Variants in SSTR4 observed in about 807,000 individuals in gnomAD.
The protein encoded by SSTR4 is somatostatin receptor 4.
For synonymous variants in SSTR4, 272 were observed against 246.3 expected, an observed-to-expected ratio of 1.10 and a Z score of -0.98; for missense variants, 649 against 540.6, an observed-to-expected ratio of 1.20 and a Z score of -1.99.
chr20:23,036,637 C>A lies in SSTR4; in HGVS notation c.1154C>A (p.Thr385Asn). 6.5e-7 allele frequency: 1 copy of A among 1,546,430 alleles called. No homozygotes were observed. The change falls in exon 1 of 1, where the codon ACC becomes AAC. Residue 385 changes from threonine to asparagine, a missense_variant. Thr to Asn is a moderately conservative substitution (Grantham distance 65). Transcript: ENST00000255008. The stretch of plus-strand genomic sequence containing the variant: ...CGCAAGCGCATCCCCCTCACCAGGA[C>A]CACCACCTTCTGAGGAGCCCTTCCC... ...PGRKRIPLTRTTTF is the reference protein window; with the variant it reads ...PGRKRIPLTRNTTF
Position 23,036,201 on chromosome 20 carries a change from G to C in SSTR4, c.718G>C (p.Ala240Pro). ...CYLLIVGKMR[A>P]VALRAGWQQR... ...CCTGCTCATCGTGGGCAAGATGCGC[G>C]CCGTGGCCCTGCGCGCTGGCTGGCA... The change falls in exon 1 of 1, where the codon GCC (alanine) becomes CCC (proline). Residue 240 changes from alanine to proline, a missense_variant. By Grantham distance (27) the Ala-to-Pro change is conservative. Transcript: ENST00000255008. The C allele has an allele frequency of 2.5e-6, 4 of 1,612,906 alleles. No homozygotes were observed. The highest frequency in any genetic ancestry group is 1.7e-4 in the Middle Eastern group (1 of 6,060).
At position 23,036,674 on chromosome 20, in the gene SSTR4, G is replaced by T. The variant is rs765591264; in HGVS notation, c.*24G>T. ...GAGGAGCCCTTCCCCTACCCACCCT[G>T]CGTGGCCACCTCCCAAGGGGTGGGC... On this transcript the variant is annotated 3_prime_UTR_variant, in exon 1 of 1. Coordinates refer to ENST00000255008, the MANE Select transcript of SSTR4 (RefSeq NM_001052.4). 6 of 1,524,052 alleles carry T rather than the reference G, an allele frequency of 3.9e-6. 1 individual carries two copies. The highest frequency in any genetic ancestry group is 4.4e-6 in the Non-Finnish European group (5 of 1,137,928). 94.4% of individuals were successfully genotyped at this position (1,524,052 alleles called of 1,614,324 possible).
Position 23,035,811 on chromosome 20 carries a change from C to A in SSTR4, c.328C>A (p.Arg110Ser), listed in dbSNP as rs764943984. The stretch of plus-strand genomic sequence containing the variant: ...CTTCGTGGCCTCGTCGGCCGCCCTG[C>A]GCCACTGGCCCTTCGGCTCCGTGCT... ...VPFVASSAAL[R>S]HWPFGSVLCR... is the part of the protein sequence containing the mutation. The change falls in exon 1 of 1, where the codon CGC becomes AGC. Residue 110 changes from arginine to serine, a missense_variant. By Grantham distance (110) the Arg-to-Ser change is moderately radical. Transcript: ENST00000255008. The A allele has an allele frequency of 4.4e-6, 7 of 1,590,926 alleles. No individual in the cohort carries two copies. Among genetic ancestry groups the A allele is most frequent in the South Asian group, 1.1e-5 (1 of 87,740 alleles).
Position 23,038,221 on chromosome 20 carries a change from A to C in SSTR4, c.*1571A>C, listed in dbSNP as rs900775076. 2 of 152,218 alleles carry C rather than the reference A, an allele frequency of 1.3e-5. No homozygotes were observed. The highest frequency in any genetic ancestry group is 6.5e-5 in the Admixed American group (1 of 15,292). The allele number at this position is 152,218 out of a possible 1,614,324, so 9.4% of individuals were successfully genotyped here. A position where few individuals can be genotyped will look rare whatever the true frequency, so the allele number is the denominator to read the frequency against. ...AAACTGCATTATTTCTTTGTTCCTC[A>C]GTGTCTGACAATGCCTGCCAGGATG... is the stretch of plus-strand genomic sequence containing the variant. On this transcript the variant is annotated 3_prime_UTR_variant, in exon 1 of 1. Coordinates refer to ENST00000255008, the MANE Select transcript of SSTR4 (RefSeq NM_001052.4).
Position 23,036,698 on chromosome 20 carries a change from G to C in SSTR4, c.*48G>C, listed in dbSNP as rs1192079553. 1 of 1,507,572 alleles carries C rather than the reference G, an allele frequency of 6.6e-7. No homozygotes were observed. Among genetic ancestry groups the C allele is most frequent in the East Asian group, 2.3e-5 (1 of 44,018 alleles). The allele number at this position is 1,507,572 out of a possible 1,614,324, so 93.4% of individuals were successfully genotyped here. ...TGCGTGGCCACCTCCCAAGGGGTGG[G>C]CACCATTCCTACAGCCCCGAAGACT... On this transcript the variant is annotated 3_prime_UTR_variant, in exon 1 of 1. Transcript: ENST00000255008.
At position 23,036,612 on chromosome 20, in the gene SSTR4, C is replaced by A; in HGVS notation, c.1129C>A (p.Arg377Ser). 6.4e-7 allele frequency: 1 copy of A among 1,571,954 alleles called. No individual in the cohort carries two copies. Among genetic ancestry groups the A allele is most frequent in the East Asian group, 2.2e-5 (1 of 44,580 alleles). ...GGAAGCCCTGCAACCAGAACCCGGCCGCAAGCGCATCCCCCTCACCAGGAC... is the reference window on the plus strand; with the variant it reads ...GGAAGCCCTGCAACCAGAACCCGGCAGCAAGCGCATCCCCCTCACCAGGAC... ...QQEALQPEPG[R>S]KRIPLTRTTT... The change falls in exon 1 of 1, where the codon CGC (arginine) becomes AGC (serine). Residue 377 changes from arginine (R) to serine (S), a missense_variant. Arg to Ser is a moderately radical substitution (Grantham distance 110, BLOSUM62 -1). Transcript: ENST00000255008.
rs2122655792 is a variant in SSTR4, at chr20:23,037,524, A to T, written c.*874A>T. Among the ~76,000 whole-genome samples the T allele has an allele frequency of 6.6e-6, 1 of 152,226 alleles. No individual in the cohort carries two copies. Among genetic ancestry groups the T allele is most frequent in the East Asian group, 1.9e-4 (1 of 5,152 alleles). On this transcript the variant is annotated 3_prime_UTR_variant, in exon 1 of 1. Coordinates refer to ENST00000255008, the MANE Select transcript of SSTR4 (RefSeq NM_001052.4). Reference sequence around the variant, plus strand: ...GGATGGGAACCAGCCCAGGTTTTGGATAGAGGAAGCAGCTTCATCACCACC... The same window carrying T: ...GGATGGGAACCAGCCCAGGTTTTGGTTAGAGGAAGCAGCTTCATCACCACC...
Position 23,035,487 on chromosome 20 carries a change from A to T in SSTR4, c.4A>T (p.Ser2Cys), listed in dbSNP as rs1209873943. The change falls in exon 1 of 1, where the codon AGC becomes TGC. Residue 2 changes from serine to cysteine, a missense_variant. By Grantham distance (112) the Ser-to-Cys change is moderately radical. Transcript: ENST00000255008. Reference sequence around the variant, plus strand: ...CCCTGCGCCGGCACCCCTGGTCATGAGCGCCCCCTCGACGCTGCCCCCCGG... The same window carrying T: ...CCCTGCGCCGGCACCCCTGGTCATGTGCGCCCCCTCGACGCTGCCCCCCGG... M[S>C]APSTLPPGGE... 6.6e-7 allele frequency: 1 copy of T among 1,523,310 alleles called. No individual in the cohort carries two copies. The highest frequency in any genetic ancestry group is 2.1e-5 in the Admixed American group (1 of 48,108). 94.4% of individuals were successfully genotyped at this position (1,523,310 alleles called of 1,614,324 possible).
rs911917341 is a variant in SSTR4 at position 23,038,269 on chromosome 20, C to A, written c.*1619C>A. 6.6e-6 allele frequency: 1 copy of A among 152,238 alleles called. No individual in the cohort carries two copies. The allele number at this position is 152,238 out of a possible 1,614,324, so 9.4% of individuals were successfully genotyped here. The stretch of plus-strand genomic sequence containing the variant: ...ATGGGCACTGATGAATATGGTTGAA[C>A]GGAACTCCAAGGACCACCCAGGTTG... On this transcript the variant is annotated 3_prime_UTR_variant, in exon 1 of 1. Coordinates refer to ENST00000255008, the MANE Select transcript of SSTR4 (RefSeq NM_001052.4).
Position 23,039,128 on chromosome 20 carries a change from T to C in SSTR4, c.*2478T>C, listed in dbSNP as rs1984405851. ...CAGGATCCTGAAAGCCACCAACATA[T>C]GTCACCTGCCTGGGAGGCTTGCTTC... On this transcript the variant is annotated 3_prime_UTR_variant, in exon 1 of 1. Coordinates refer to ENST00000255008, the MANE Select transcript of SSTR4 (RefSeq NM_001052.4). The C allele has an allele frequency of 6.6e-6, 1 of 152,204 alleles. No homozygotes were observed. Among genetic ancestry groups the C allele is most frequent in the Non-Finnish European group, 1.5e-5 (1 of 68,048 alleles). The allele number at this position is 152,204 out of a possible 1,614,324, so 9.4% of individuals were successfully genotyped here. A position where few individuals can be genotyped will look rare whatever the true frequency, so the allele number is the denominator to read the frequency against.
At position 23,035,489 on chromosome 20, in the gene SSTR4, C is replaced by G; in HGVS notation, c.6C>G (p.Ser2Arg). 1 of 1,528,734 alleles carries G rather than the reference C, an allele frequency of 6.5e-7. No homozygotes were observed. Among genetic ancestry groups the G allele is most frequent in the Non-Finnish European group, 8.7e-7 (1 of 1,146,302 alleles). The allele number at this position is 1,528,734 out of a possible 1,614,324, so 94.7% of individuals were successfully genotyped here. M[S>R]APSTLPPGGE... ...CTGCGCCGGCACCCCTGGTCATGAG[C>G]GCCCCCTCGACGCTGCCCCCCGGGG... The change falls in exon 1 of 1, where the codon AGC (serine) becomes AGG (arginine). Residue 2 changes from serine to arginine, a missense_variant. By Grantham distance (110) the Ser-to-Arg change is moderately radical. Coordinates refer to ENST00000255008, the MANE Select transcript of SSTR4 (RefSeq NM_001052.4).
Position 23,037,326 on chromosome 20 carries a change from G to A in SSTR4, c.*676G>A, listed in dbSNP as rs1168919790. On this transcript the variant is annotated 3_prime_UTR_variant, in exon 1 of 1. Transcript: ENST00000255008. ...GGGTTTATTGCAAGGCATAAAACCA[G>A]GTCAGTAATAACAAAGCAGATGATA... 6.6e-6 allele frequency: 1 copy of A among 152,216 alleles called. No individual in the cohort carries two copies. Among genetic ancestry groups the A allele is most frequent in the Non-Finnish European group, 1.5e-5 (1 of 68,066 alleles). The allele number at this position is 152,216 out of a possible 1,614,324, so 9.4% of individuals were successfully genotyped here.
At position 23,035,663 on chromosome 20, in the gene SSTR4, G is replaced by A; in HGVS notation, c.180G>A (p.Val60=). 1 of 1,540,204 alleles carries A rather than the reference G, an allele frequency of 6.5e-7. No individual in the cohort carries two copies. The highest frequency in any genetic ancestry group is 8.7e-7 in the Non-Finnish European group (1 of 1,144,398). ...GCATCTACGCGCTGGTGTGCCTGGT[G>A]GGGCTGGTGGGCAACGCCCTGGTCA... The part of the protein sequence containing the change: ...IQCIYALVCL[V]GLVGNALVIF... Residue 60 remains valine, a synonymous_variant, in exon 1 of 1, where the codon GTG becomes GTA. Transcript: ENST00000255008.
At position 23,039,226 on chromosome 20, in the gene SSTR4, C is replaced by A. The variant is rs751559927; in HGVS notation, c.*2576C>A. 6.6e-6 allele frequency: 1 copy of A among 152,238 alleles called. No individual in the cohort carries two copies. Among genetic ancestry groups the A allele is most frequent in the Non-Finnish European group, 1.5e-5 (1 of 68,050 alleles). The allele number at this position is 152,238 out of a possible 1,614,324, so 9.4% of individuals were successfully genotyped here. A position where few individuals can be genotyped will look rare whatever the true frequency, so the allele number is the denominator to read the frequency against. The stretch of plus-strand genomic sequence containing the variant: ...ACATCATGGTGAATAAAAACATTTT[C>A]TGCCACAGGTAGAAACAGCCTTTGC... On this transcript the variant is annotated 3_prime_UTR_variant, in exon 1 of 1. Transcript: ENST00000255008.
At position 23,037,525 on chromosome 20, in the gene SSTR4, T is replaced by G. The variant is rs1217734588; in HGVS notation, c.*875T>G. ...GATGGGAACCAGCCCAGGTTTTGGA[T>G]AGAGGAAGCAGCTTCATCACCACCC... is the stretch of plus-strand genomic sequence containing the variant. On this transcript the variant is annotated 3_prime_UTR_variant, in exon 1 of 1. Transcript: ENST00000255008. Among the ~76,000 whole-genome samples the G allele has an allele frequency of 1.3e-5, 2 of 152,048 alleles. No homozygotes were observed. Among genetic ancestry groups the G allele is most frequent in the Non-Finnish European group, 2.9e-5 (2 of 68,004 alleles).
At position 23,036,652 on chromosome 20, in the gene SSTR4, G is replaced by T. The variant is rs1984336029; in HGVS notation, c.*2G>T. ...CTCACCAGGACCACCACCTTCTGAG[G>T]AGCCCTTCCCCTACCCACCCTGCGT... On this transcript the variant is annotated 3_prime_UTR_variant, in exon 1 of 1. Coordinates refer to ENST00000255008, the MANE Select transcript of SSTR4 (RefSeq NM_001052.4). The T allele has an allele frequency of 1.3e-6, 2 of 1,538,146 alleles. No homozygotes were observed. The highest frequency in any genetic ancestry group is 8.7e-7 in the Non-Finnish European group (1 of 1,143,830).
In SSTR4 at chr20:23,036,427, C is replaced by G; in HGVS notation, c.944C>G (p.Ser315Cys). Residue 315 changes from serine to cysteine, a missense_variant, in exon 1 of 1, where the codon TCC becomes TGC. Transcript: ENST00000255008. ...AACCCCATTCTCTATGGCTTCCTCTCCGACAACTTCCGCCGATTCTTCCAG... is the reference window on the plus strand; with the variant it reads ...AACCCCATTCTCTATGGCTTCCTCTGCGACAACTTCCGCCGATTCTTCCAG... ...CANPILYGFL[S>C]DNFRRFFQRV... is the part of the protein sequence containing the mutation. 2 of 1,613,976 alleles carry G rather than the reference C, an allele frequency of 1.2e-6. No homozygotes were observed. Among genetic ancestry groups the G allele is most frequent in the South Asian group, 2.2e-5 (2 of 91,058 alleles).
In SSTR4 at chr20:23,035,514, G is replaced by T; in HGVS notation, c.31G>T (p.Gly11Cys). The change falls in exon 1 of 1, where the codon GGC becomes TGC. Residue 11 changes from glycine (G) to cysteine (C), a missense_variant. Transcript: ENST00000255008. The part of the protein sequence containing the change: MSAPSTLPPG[G>C]EEGLGTAWPS... ...CGCCCCCTCGACGCTGCCCCCCGGG[G>T]GCGAGGAAGGGCTGGGGACGGCCTG... 1 of 1,568,828 alleles carries T rather than the reference G, an allele frequency of 6.4e-7. No homozygotes were observed.
chr20:23,036,213 C>A lies in SSTR4; in HGVS notation c.730C>A (p.Arg244Ser), dbSNP rs4988474. ...IVGKMRAVAL[R>S]AGWQQRRRSE... Reference sequence around the variant, plus strand: ...GGGCAAGATGCGCGCCGTGGCCCTGCGCGCTGGCTGGCAGCAGCGCAGGCG... The same window carrying A: ...GGGCAAGATGCGCGCCGTGGCCCTGAGCGCTGGCTGGCAGCAGCGCAGGCG... Residue 244 changes from arginine to serine, a missense_variant, in exon 1 of 1, where the codon CGC becomes AGC. Transcript: ENST00000255008. 3 of 1,613,382 alleles carry A rather than the reference C, an allele frequency of 1.9e-6. No homozygotes were observed. The highest frequency in any genetic ancestry group is 2.5e-6 in the Non-Finnish European group (3 of 1,179,914).
Sources: gnomAD v4.1 joint callset for allele counts (sites outside exome capture counted in the v4.1 genomes callset) on GRCh38, gnomAD v4.1.1 for gene constraint, MANE v1.5 for transcripts, NCBI Gene and HGNC (gene_info 2026-07-23, HGNC 2026-07-21) for gene names.